PLPPR1: variants seen among roughly 807,000 people sequenced by gnomAD.
PLPPR1 encodes the protein phospholipid phosphatase-related protein type 1.
In PLPPR1, 10 loss-of-function variants were observed where a neutral mutation model predicts 33.1. That is an observed-to-expected ratio of 0.30 (90% confidence interval 0.19 to 0.51). The LOEUF (loss-of-function observed/expected upper bound fraction) is 0.51, where lower values mean the gene tolerates loss of function less well. PLPPR1 is among the 20% of genes least tolerant of loss of function. PLPPR1 has a pLI of 0.97. For missense variants in PLPPR1, 304 were observed against 408.1 expected (o/e 0.74, Z 2.20); for synonymous variants, 151 against 151.0 (o/e 1.00, Z 0.00).
intron 1 of PLPPR1, among the ~76,000 whole-genome samples, chr9:101,136,044 T>G (rs1041425353): frequency 2.0e-5 from 3 of 152,202 alleles, no homozygotes; most frequent in Admixed American, 1.3e-4. Context: ...CTCTGATACG[T>G]TTTTCCCCCT....
intron 2 of PLPPR1, among the ~76,000 whole-genome samples, chr9:101,196,355 T>C (rs1445483787): frequency 6.6e-6 from 1 of 152,184 alleles, no homozygotes; most frequent in Non-Finnish European, 1.5e-5. Flanking sequence ...AGCAAAATTT[T>C]CAAGACTTTG....
intron 1 of PLPPR1, among the ~76,000 whole-genome samples, chr9:101,033,222 G>T (rs1169699772): frequency 6.6e-6 from 1 of 152,180 alleles, no homozygotes; most frequent in Non-Finnish European, 1.5e-5. Flanking sequence ...AACATAGTCA[G>T]AGTTTGTTTT....
At chr9:101,044,741 A>G (rs1283726470) in intron 1 of PLPPR1, among the ~76,000 whole-genome samples, 1 of 152,176 alleles carries the variant, frequency 6.6e-6, no homozygotes, top group African/African-American at 2.4e-5. Context: ...ATGGAAATGC[A>G]TGTGCTGGCT....
intron 1 of PLPPR1, among the ~76,000 whole-genome samples, chr9:101,158,421 C>T (rs78403439): frequency 6.6e-6 from 1 of 152,048 alleles, no homozygotes; most frequent in Non-Finnish European, 1.5e-5. Flanking sequence ...TGGCTTTCAT[C>T]TCAGTTTGGA....
At chr9:101,280,749 C>T (rs893836059) in intron 3 of PLPPR1, among the ~76,000 whole-genome samples, 2 of 152,006 alleles carry the variant, frequency 1.3e-5, no homozygotes, top group South Asian at 2.1e-4. Flanking sequence ...CCTCATAAAA[C>T]GGAGTATAGA....
At chr9:101,267,503 A>T (rs1828018967) in intron 2 of PLPPR1, among the ~76,000 whole-genome samples, 1 of 152,244 alleles carries the variant, frequency 6.6e-6, no homozygotes, top group African/African-American at 2.4e-5. Context: ...ATTACTGGAC[A>T]GTCCAAAGTT....
chr9:101,261,292 C>T (rs563507582), intron 2 of PLPPR1, among the ~76,000 whole-genome samples: 9 of 152,286 alleles, frequency 5.9e-5, no homozygotes, highest in Admixed American at 2.0e-4. Context: ...TCTTCCCTGA[C>T]AGAAAACCCC....
intron 4 of PLPPR1, among the ~76,000 whole-genome samples, chr9:101,292,703 T>A (rs1212937270): frequency 6.8e-4 from 103 of 151,898 alleles, no homozygotes; most frequent in Non-Finnish European, 1.5e-4. Context: ...CCAGCCAAAC[T>A]AAGCTTCATA....
rs1334927892 is a variant in PLPPR1, at chr9:101,181,831, GTATA to G, written c.-45-3612_-45-3609del. Among the ~76,000 whole-genome samples, 5 of 146,602 alleles carry G rather than the reference GTATA, an allele frequency of 3.4e-5. No individual in the cohort carries two copies. The South Asian group carries it at 6.5e-4, about 19-fold the overall frequency. Reference sequence around the variant, plus strand: ...TTCATTAATAATTGACACCTAGGTAGTATATATATAGTGTGCATGTGTGTATATA... The same window carrying G: ...TTCATTAATAATTGACACCTAGGTAGTATATAGTGTGCATGTGTGTATATA... On this transcript the variant is annotated intron_variant, in intron 1 of 7. Coordinates refer to ENST00000374874, the MANE Select transcript of PLPPR1 (RefSeq NM_207299.2).
chr9:101,081,311 C>T (rs1241213060), intron 1 of PLPPR1, among the ~76,000 whole-genome samples: 2 of 152,010 alleles, frequency 1.3e-5, no homozygotes, highest in African/African-American at 4.8e-5. Flanking sequence ...TGCCTCCCTC[C>T]CAGGTTCAAG....
intron 1 of PLPPR1, among the ~76,000 whole-genome samples, chr9:101,061,020 G>T (rs986215067): frequency 1.3e-5 from 2 of 151,816 alleles, no homozygotes; most frequent in East Asian, 3.9e-4. Context: ...ATGAAGACTT[G>T]TCACCTTTCA....
At chr9:101,260,080 G>T (rs1178798983) in intron 2 of PLPPR1, among the ~76,000 whole-genome samples, 2 of 151,988 alleles carry the variant, frequency 1.3e-5, no homozygotes, top group Admixed American at 1.3e-4. Flanking sequence ...GTTTCATACT[G>T]CCTCCTTGCT....
intron 5 of PLPPR1, among the ~76,000 whole-genome samples, chr9:101,310,500 C>G (rs77498727): frequency 2.6e-5 from 4 of 152,190 alleles, no homozygotes; most frequent in Admixed American, 1.3e-4. Flanking sequence ...AACCCACCCC[C>G]CAGGGAGATG....
chr9:101,231,598 C>T (rs1306377840), intron 2 of PLPPR1, among the ~76,000 whole-genome samples: 1 of 151,900 alleles, frequency 6.6e-6, no homozygotes, highest in African/African-American at 2.4e-5. Flanking sequence ...CTTTTTCTTT[C>T]GAATTTGTTT....
At chr9:101,051,673 T>C (rs1262428069) in intron 1 of PLPPR1, among the ~76,000 whole-genome samples, 1 of 152,226 alleles carries the variant, frequency 6.6e-6, no homozygotes, top group African/African-American at 2.4e-5. Context: ...CTGCTAGTGC[T>C]TACTTCATTA....
At chr9:101,057,546 A>T (rs528863087) in intron 1 of PLPPR1, among the ~76,000 whole-genome samples, 51 of 152,286 alleles carry the variant, frequency 3.3e-4, no homozygotes, top group Non-Finnish European at 6.8e-4. Context: ...GTAAAAAAAA[A>T]ATACCTCATT....
chr9:101,263,156 A>T (rs971783660), intron 2 of PLPPR1, among the ~76,000 whole-genome samples: 3 of 152,294 alleles, frequency 2.0e-5, no homozygotes, highest in South Asian at 4.1e-4. Context: ...AGTATAATTT[A>T]AAAAAAGAAA....
chr9:101,306,012 T>C (rs1237482543), intron 4 of PLPPR1, among the ~76,000 whole-genome samples: 1 of 152,208 alleles, frequency 6.6e-6, no homozygotes. Flanking sequence ...GCATCAGTTA[T>C]GTTCTTTTAG....
At chr9:101,154,882 G>A (rs983903086) in intron 1 of PLPPR1, among the ~76,000 whole-genome samples, 3 of 146,884 alleles carry the variant, frequency 2.0e-5, no homozygotes, top group African/African-American at 5.0e-5. Flanking sequence ...AACACCGCAT[G>A]TTCTCACTCA....
Sources: gnomAD v4.1 joint callset for allele counts (sites outside exome capture counted in the v4.1 genomes callset) on GRCh38, gnomAD v4.1.1 for gene constraint, MANE v1.5 for transcripts, NCBI Gene and HGNC (gene_info 2026-07-23, HGNC 2026-07-21) for gene names.